The following CLPB variants were observed in gnomAD, a reference collection of about 807,000 sequenced individuals.
The protein encoded by CLPB is mitochondrial disaggregase.
Under a neutral mutation model 78.4 loss-of-function variants are expected in CLPB, and 40 were observed. The ratio of observed to expected loss-of-function variants is 0.51; its 90% CI spans 0.40 to 0.66. The LOEUF is 0.66. Among genes scored for constraint, CLPB ranks in the 30% least tolerant of loss-of-function variants. The pLI is 0.00. For synonymous variants in CLPB, 333 were observed against 348.0 expected (o/e 0.96, Z 0.48); for missense variants, 780 against 886.9 (o/e 0.88, Z 1.53).
rs957796549 is a variant in CLPB at position 72,285,673 on chromosome 11, T to C, written c.*7694A>G. The C allele has an allele frequency of 2.0e-5, 3 of 152,192 alleles. 1 individual carries two copies. The highest frequency in any genetic ancestry group is 4.1e-4 in the South Asian group (2 of 4,826). The allele number at this position is 152,192 out of a possible 1,614,324, so 9.4% of individuals were successfully genotyped here. A position where few individuals can be genotyped will look rare whatever the true frequency, so the allele number is the denominator to read the frequency against. ...AGTATAATTTTGAACAGGTAATACA[T>C]TAATATGGTTCAAAGCTTACTAAAA... On this transcript the variant is annotated 3_prime_UTR_variant, in exon 16 of 16. Transcript: ENST00000538039.
intron 6 of CLPB, among the ~76,000 whole-genome samples, chr11:72,328,045 T>C (rs183219635): frequency 1.3e-5 from 2 of 152,322 alleles, no homozygotes; most frequent in African/African-American, 4.8e-5. Context: ...AGGCACATGG[T>C]AGGATCACTC....
At chr11:72,333,786 G>A (rs999452954) in intron 5 of CLPB, among the ~76,000 whole-genome samples, 1 of 152,198 alleles carries the variant, frequency 6.6e-6, no homozygotes, top group Non-Finnish European at 1.5e-5. Context: ...TTTCTCTGGC[G>A]CTCAGCACTG....
intron 5 of CLPB, among the ~76,000 whole-genome samples, chr11:72,345,485 T>G (rs1454984917): frequency 2.0e-5 from 3 of 152,188 alleles, no homozygotes; most frequent in Non-Finnish European, 2.9e-5. Flanking sequence ...AATATTTGCT[T>G]ATACAAAGAA....
At chr11:72,409,750 G>A (rs1476255051) in intron 2 of CLPB, among the ~76,000 whole-genome samples, 3 of 152,090 alleles carry the variant, frequency 2.0e-5, no homozygotes, top group African/African-American at 7.2e-5. Flanking sequence ...GACGGAGGCG[G>A]GTGGATTACC....
At chr11:72,423,277 T>C (rs1856263641) in intron 2 of CLPB, among the ~76,000 whole-genome samples, 3 of 152,114 alleles carry the variant, frequency 2.0e-5, no homozygotes, top group African/African-American at 4.8e-5. Flanking sequence ...CTCATAATCT[T>C]TTCCCCAAAC....
At chr11:72,317,046 C>T (rs572173484) in intron 7 of CLPB, 60 bp downstream of exon 7, 727 of 1,205,856 alleles carry the variant, frequency 6.0e-4, no homozygotes, top group Non-Finnish European at 7.8e-4. Flanking sequence ...AGTTTGGTGA[C>T]GACAGGATGT....
chr11:72,347,415 C>T (rs922242631), intron 5 of CLPB, among the ~76,000 whole-genome samples: 9 of 150,730 alleles, frequency 6.0e-5, no homozygotes, highest in Non-Finnish European at 1.3e-4. Flanking sequence ...TATAATTGTG[C>T]CACTGCACTC....
chr11:72,398,913 C>A (rs1395682355), intron 3 of CLPB, among the ~76,000 whole-genome samples: 2 of 152,202 alleles, frequency 1.3e-5, no homozygotes, highest in African/African-American at 4.8e-5. Context: ...TACTCAAGTC[C>A]TGGATGTCGG....
chr11:72,295,462 G>A (rs758436768), intron 12 of CLPB, 30 bp downstream of exon 12: 19 of 1,607,348 alleles, frequency 1.2e-5, no homozygotes, highest in Non-Finnish European at 1.5e-5. Context: ...CTTGGTCACT[G>A]GACCAGACTG....
At chr11:72,308,237 G>C (rs535268428) in intron 8 of CLPB, among the ~76,000 whole-genome samples, 2 of 152,248 alleles carry the variant, frequency 1.3e-5, no homozygotes, top group Non-Finnish European at 2.9e-5. Context: ...CGCATGCAGA[G>C]TGGCTGGACC....
chr11:72,408,222 A>G, intron 2 of CLPB: 1 of 1,510,288 alleles, frequency 6.6e-7, no homozygotes, highest in Non-Finnish European at 8.9e-7. Context: ...ATAATGGAAA[A>G]AAAGCAATGA....
At chr11:72,313,073 G>A (rs989721339) in intron 7 of CLPB, among the ~76,000 whole-genome samples, 1 of 152,204 alleles carries the variant, frequency 6.6e-6, no homozygotes, top group African/African-American at 2.4e-5. Flanking sequence ...AGGGCAGTCT[G>A]GGTGGGCTGA....
chr11:72,400,830 T>C (rs1040223988), intron 3 of CLPB, among the ~76,000 whole-genome samples: 15 of 152,212 alleles, frequency 9.9e-5, no homozygotes, highest in Admixed American at 9.2e-4. Context: ...TGCTGCCACA[T>C]TGAGTCCCCT....
At chr11:72,362,237 T>A (rs942717843) in intron 4 of CLPB, among the ~76,000 whole-genome samples, 1 of 152,232 alleles carries the variant, frequency 6.6e-6, no homozygotes, top group Non-Finnish European at 1.5e-5. Context: ...ACGTTTGAGG[T>A]AGTTATTGTT....
chr11:72,304,386 A>G (rs1302781161), intron 9 of CLPB, among the ~76,000 whole-genome samples: 1 of 152,194 alleles, frequency 6.6e-6, no homozygotes, highest in Non-Finnish European at 1.5e-5. Flanking sequence ...GGCCAACTCC[A>G]CCTAGTAGAG....
At chr11:72,377,127 C>T (rs1269593579) in intron 4 of CLPB, among the ~76,000 whole-genome samples, 5 of 152,000 alleles carry the variant, frequency 3.3e-5, no homozygotes, top group Non-Finnish European at 7.4e-5. Context: ...TTAATTTTAG[C>T]AAGAAATATG....
intron 2 of CLPB, among the ~76,000 whole-genome samples, chr11:72,407,003 T>C (rs751052257): frequency 6.6e-6 from 1 of 152,218 alleles, no homozygotes; most frequent in Non-Finnish European, 1.5e-5. Flanking sequence ...AATAACTCCA[T>C]TGTTTTTAAC....
intron 3 of CLPB, among the ~76,000 whole-genome samples, chr11:72,401,114 C>T (rs1046659180): frequency 2.6e-5 from 4 of 152,176 alleles, no homozygotes; most frequent in Non-Finnish European, 5.9e-5. Flanking sequence ...GGTCTCTCAA[C>T]TACGAAGCCT....
At chr11:72,350,874 A>G (rs748741991) in intron 5 of CLPB, among the ~76,000 whole-genome samples, 26 of 152,202 alleles carry the variant, frequency 1.7e-4, no homozygotes, top group Non-Finnish European at 3.1e-4. Context: ...TCACCCATTT[A>G]AAGTACACAA....
Sources: gnomAD v4.1 joint callset for allele counts (sites outside exome capture counted in the v4.1 genomes callset) on GRCh38, gnomAD v4.1.1 for gene constraint, MANE v1.5 for transcripts, NCBI Gene and HGNC (gene_info 2026-07-23, HGNC 2026-07-21) for gene names.